Variants in ABCC4 observed in about 807,000 individuals in gnomAD.
The protein encoded by ABCC4 is ATP-binding cassette sub-family C member 4.
ABCC4 carries 102 observed loss-of-function variants against 168.5 expected under a neutral mutation model. That is an observed-to-expected ratio of 0.61 (90% CI 0.52 to 0.71). ABCC4 has a LOEUF of 0.71. Ranked by LOEUF, ABCC4 falls within the 30% of genes least tolerant of loss-of-function variation. ABCC4 has a pLI of 0.00. For missense variants in ABCC4, 1,402 were observed against 1,605.8 expected (o/e 0.87, Z 2.17); for synonymous variants, 617 against 590.7 (o/e 1.04, Z -0.65).
chr13:95,074,139 G>T, intron 23 of ABCC4, 75 bp downstream of exon 23: 2 of 1,145,568 alleles, frequency 1.7e-6, no homozygotes, highest in South Asian at 1.5e-5. Context: ...AGACAAGGTG[G>T]CAAGAGTTTA....
At chr13:95,022,688 A>G (rs1593951377) in intron 30 of ABCC4, among the ~76,000 whole-genome samples, 1 of 152,228 alleles carries the variant, frequency 6.6e-6, no homozygotes, top group African/African-American at 2.4e-5. Context: ...TGGGTCTCTT[A>G]GTCATACGAT....
chr13:95,084,440 T>C (rs955199936), intron 20 of ABCC4, among the ~76,000 whole-genome samples: 4 of 152,218 alleles, frequency 2.6e-5, no homozygotes, highest in South Asian at 2.1e-4. Context: ...TTAGAGTTCA[T>C]TAACATGCCC....
intron 9 of ABCC4, among the ~76,000 whole-genome samples, chr13:95,191,968 C>T (rs569796976): frequency 1.3e-5 from 2 of 151,730 alleles, no homozygotes; most frequent in African/African-American, 4.8e-5. Context: ...GAAGGCTAGG[C>T]CCATTCCCTC....
intron 1 of ABCC4, among the ~76,000 whole-genome samples, chr13:95,255,988 C>T (rs941651130): frequency 2.4e-4 from 36 of 152,310 alleles, no homozygotes; most frequent in African/African-American, 7.9e-4. Context: ...CAAGCATCTA[C>T]AGCCATTGTG....
Position 95,209,580 on chromosome 13 carries a change from G to A in ABCC4, c.639C>T (p.His213=), listed in dbSNP as rs1227110925. ...CCTGCAGTGGTCCTGCCCACAGGAA[G>A]TGTAAGAACACTGTCACCTTTAAAG... ...NKFDQVTVFL[H]FLWAGPLQAI... is the part of the protein sequence containing the mutation. Residue 213 remains histidine, a synonymous_variant, in exon 6 of 31, where the codon CAC becomes CAT. Coordinates refer to ENST00000645237, the MANE Select transcript of ABCC4 (RefSeq NM_005845.5). 6.2e-7 allele frequency: 1 copy of A among 1,612,846 alleles called. No homozygotes were observed. Among genetic ancestry groups the A allele is most frequent in the Non-Finnish European group, 8.5e-7 (1 of 1,179,514 alleles).
chr13:95,119,213 G>T (rs889342071), intron 19 of ABCC4, among the ~76,000 whole-genome samples: 1 of 152,276 alleles, frequency 6.6e-6, no homozygotes, highest in African/African-American at 2.4e-5. Flanking sequence ...CTCCAATCCT[G>T]CATGATGGCA....
chr13:95,272,964 T>TAC lies in ABCC4; in HGVS notation c.75-25213_75-25212dup, dbSNP rs764264709. ...ACACCTGCTACCTAACACAAAATCA[T>TAC]ACACACACACACACACCCCCTACAG... On this transcript the variant is annotated intron_variant, in intron 1 of 30. Coordinates refer to ENST00000645237, the MANE Select transcript of ABCC4 (RefSeq NM_005845.5). Among the ~76,000 whole-genome samples the TAC allele has an allele frequency of 1.4e-3, 208 of 151,132 alleles. 2 individuals carry two copies. Among genetic ancestry groups the TAC allele is most frequent in the African/African-American group, 4.2e-3 (172 of 41,266 alleles).
chr13:95,244,147 T>C (rs2040020962), intron 3 of ABCC4, among the ~76,000 whole-genome samples: 1 of 152,194 alleles, frequency 6.6e-6, no homozygotes, highest in South Asian at 2.1e-4. Flanking sequence ...GACAGAGTTC[T>C]CAAGACACCT....
intron 10 of ABCC4, 89 bp from the exon 11 acceptor site, chr13:95,186,981 C>T: frequency 1.8e-6 from 2 of 1,101,136 alleles, no homozygotes; most frequent in East Asian, 5.6e-5. Context: ...GCCCTGGGAG[C>T]TTGAAAAACA....
At chr13:95,216,309 G>GA (rs1406088315) in intron 4 of ABCC4, among the ~76,000 whole-genome samples, 5 of 152,062 alleles carry the variant, frequency 3.3e-5, no homozygotes, top group South Asian at 2.1e-4. Flanking sequence ...CCAATGTACA[G>GA]AAAAAATCTG....
At chr13:95,244,538 T>C (rs1298660469) in intron 3 of ABCC4, among the ~76,000 whole-genome samples, 1 of 147,804 alleles carries the variant, frequency 6.8e-6, no homozygotes, top group Non-Finnish European at 1.5e-5. Context: ...ACCACTGCAC[T>C]CCAGCCTGGC....
intron 1 of ABCC4, among the ~76,000 whole-genome samples, chr13:95,264,602 A>C (rs1417022337): frequency 6.6e-6 from 1 of 152,172 alleles, no homozygotes; most frequent in African/African-American, 2.4e-5. Context: ...GATGACCTGA[A>C]TATTTTTCAA....
chr13:95,232,247 G>C (rs947132727), intron 4 of ABCC4, among the ~76,000 whole-genome samples: 1 of 152,028 alleles, frequency 6.6e-6, no homozygotes, highest in Non-Finnish European at 1.5e-5. Context: ...CTGTTATACT[G>C]TACCATAGAC....
chr13:95,193,857 G>A (rs552111764), intron 9 of ABCC4, among the ~76,000 whole-genome samples: 24 of 152,330 alleles, frequency 1.6e-4, no homozygotes, highest in Admixed American at 7.8e-4. Flanking sequence ...TCCAGGATCC[G>A]ATCAGGTCCA....
At chr13:95,037,362 A>G (rs1459008226) in intron 29 of ABCC4, among the ~76,000 whole-genome samples, 1 of 152,220 alleles carries the variant, frequency 6.6e-6, no homozygotes, top group African/African-American at 2.4e-5. Context: ...AATAGAATGG[A>G]TAAGGTAATT....
chr13:95,276,504 C>T (rs1400871242), intron 1 of ABCC4, among the ~76,000 whole-genome samples: 2 of 125,426 alleles, frequency 1.6e-5, no homozygotes, highest in African/African-American at 5.1e-5. Flanking sequence ...GAGACCCTGC[C>T]TCAAAAAAAA....
At chr13:95,236,988 G>A (rs183955173) in intron 3 of ABCC4, among the ~76,000 whole-genome samples, 10 of 152,338 alleles carry the variant, frequency 6.6e-5, no homozygotes, top group Non-Finnish European at 8.8e-5. Flanking sequence ...TCAGCCAGAC[G>A]CTCAGTGCTC....
At chr13:95,203,037 T>C (rs1469287273) in intron 8 of ABCC4, among the ~76,000 whole-genome samples, 2 of 152,254 alleles carry the variant, frequency 1.3e-5, no homozygotes, top group East Asian at 3.9e-4. Context: ...GTGGAGGTGC[T>C]ATTCACCCTC....
At chr13:95,276,085 G>A (rs941539487) in intron 1 of ABCC4, among the ~76,000 whole-genome samples, 2 of 152,120 alleles carry the variant, frequency 1.3e-5, no homozygotes, top group Admixed American at 1.3e-4. Flanking sequence ...AATCAAGAGG[G>A]AATACTCCAT....
Sources: gnomAD v4.1 joint callset for allele counts (sites outside exome capture counted in the v4.1 genomes callset) on GRCh38, gnomAD v4.1.1 for gene constraint, MANE v1.5 for transcripts, NCBI Gene and HGNC (gene_info 2026-07-23, HGNC 2026-07-21) for gene names.